SETX: variants seen among roughly 807,000 people sequenced by gnomAD.
SETX encodes helicase senataxin.
In SETX, 90 loss-of-function variants were observed where a neutral mutation model predicts 227.2. The observed-to-expected ratio is 0.40, with a 90% CI of 0.33 to 0.47. The LOEUF (loss-of-function observed/expected upper bound fraction) is 0.47, where lower values mean the gene tolerates loss of function less well. Ranked by LOEUF, SETX falls within the 20% of genes least tolerant of loss-of-function variation. The probability of loss-of-function intolerance (pLI) is 0.91; values close to 1 mark genes in which losing one functional copy is unlikely to be tolerated. For missense variants in SETX, 3,052 were observed against 3,181.5 expected (o/e 0.96, Z 0.98); for synonymous variants, 1,210 against 1,113.2 (o/e 1.09, Z -1.73).
At chr9:132,282,287 ATTT>A (rs1290569416) in intron 19 of SETX, among the ~76,000 whole-genome samples, 1 of 147,902 alleles carries the variant, frequency 6.8e-6, no homozygotes. Context: ...TTTTTTATTT[ATTT>A]TTTAACTTAT....
intron 12 of SETX, among the ~76,000 whole-genome samples, chr9:132,300,223 C>T (rs541528458): frequency 2.7e-5 from 4 of 150,664 alleles, no homozygotes; most frequent in Non-Finnish European, 4.4e-5. Context: ...TATTAAATTA[C>T]CTAGGGAGAA....
intron 3 of SETX, among the ~76,000 whole-genome samples, chr9:132,348,432 A>T (rs1347455045): frequency 6.6e-6 from 1 of 151,940 alleles, no homozygotes; most frequent in Non-Finnish European, 1.5e-5. Flanking sequence ...ACTCAGATAC[A>T]TGCATGTATT....
In SETX at chr9:132,328,032, T is replaced by A; in HGVS notation, c.3566A>T (p.Asn1189Ile). ...SVRNEGQSDT[N>I]KRDLVGNDFK... ...ATCATTTCCCACAAGATCTCTCTTA[T>A]TAGTATCAGACTGGCCCTCATTTCT... The change falls in exon 10 of 26, where the codon AAT becomes ATT. Residue 1189 changes from asparagine to isoleucine, a missense_variant. Asn to Ile is a moderately radical substitution (Grantham distance 149). Around this residue, in one of 10 missense-constraint regions of SETX, gnomAD observed 1,483 missense variants for 1,312.0 expected, o/e 1.13. Transcript: ENST00000224140. 1 of 1,614,116 alleles carries A rather than the reference T, an allele frequency of 6.2e-7. No individual in the cohort carries two copies. Among genetic ancestry groups the A allele is most frequent in the African/African-American group, 1.3e-5 (1 of 75,032 alleles).
At chr9:132,321,907 C>T (rs1846380828) in intron 10 of SETX, among the ~76,000 whole-genome samples, 1 of 152,082 alleles carries the variant, frequency 6.6e-6, no homozygotes. Flanking sequence ...TGGGGTGGGG[C>T]TTCCTAATGA....
chr9:132,322,672 T>C (rs1286514997), intron 10 of SETX, among the ~76,000 whole-genome samples: 1 of 152,194 alleles, frequency 6.6e-6, no homozygotes, highest in Non-Finnish European at 1.5e-5. Context: ...AATGTTCCAA[T>C]CTACTCTTTA....
At chr9:132,275,165 C>T in intron 23 of SETX, 91 bp downstream of exon 23, 1 of 1,409,932 alleles carries the variant, frequency 7.1e-7, no homozygotes, top group East Asian at 2.3e-5. Context: ...GCACAGACCA[C>T]TCCTTAAGAG....
At chr9:132,283,157 A>G in intron 19 of SETX, 107 bp downstream of exon 19, 1 of 1,373,352 alleles carries the variant, frequency 7.3e-7, no homozygotes, top group Non-Finnish European at 1.0e-6. Flanking sequence ...TGAAAATCAG[A>G]TGCAAAAAAA....
At chr9:132,295,722 C>T (rs1844629228) in intron 15 of SETX, 150 bp downstream of exon 15, 1 of 787,946 alleles carries the variant, frequency 1.3e-6, no homozygotes, top group African/African-American at 1.7e-5. Context: ...GGTAAATGTT[C>T]AATGAAATAC....
rs1843198367 is a variant in SETX at position 132,276,981 on chromosome 9, T to C, written c.6935+79A>G. On this transcript the variant is annotated intron_variant, in intron 22 of 25. Transcript: ENST00000224140. ...TAGGCAGAGAGATGTGTATAGGAAA[T>C]GTATTTAACAGAAATATGAATGCAA... 2.5e-6 allele frequency: 3 copies of C among 1,220,434 alleles called. No individual in the cohort carries two copies. The Admixed American group carries it at 5.1e-5, about 21-fold the overall frequency. 75.6% of individuals were successfully genotyped at this position (1,220,434 alleles called of 1,614,324 possible).
intron 15 of SETX, 112 bp from the exon 16 acceptor site, chr9:132,288,763 C>CA: frequency 1.3e-6 from 1 of 755,306 alleles, no homozygotes; most frequent in East Asian, 2.7e-5. Context: ...GAGAAGGGAG[C>CA]AAACATGAAC....
chr9:132,296,917 A>T lies in SETX; in HGVS notation c.5919T>A (p.Ile1973=). ...GPPGTGKSKT[I]VGLLYRLLTE... Reference sequence around the variant, plus strand: ...TCAGTAGACGATAGAGGAGGCCAACAATAGTTTTTGATTTTCCTGTTCCAG... The same window carrying T: ...TCAGTAGACGATAGAGGAGGCCAACTATAGTTTTTGATTTTCCTGTTCCAG... Residue 1973 remains isoleucine (I), a synonymous_variant, in exon 14 of 26, where the codon ATT becomes ATA. Transcript: ENST00000224140. The T allele has an allele frequency of 6.2e-7, 1 of 1,614,116 alleles. No individual in the cohort carries two copies. The highest frequency in any genetic ancestry group is 8.5e-7 in the Non-Finnish European group (1 of 1,180,030).
chr9:132,331,506 T>C (rs1847233712), intron 7 of SETX, 58 bp from the exon 8 acceptor site: 3 of 1,551,158 alleles, frequency 1.9e-6, no homozygotes, highest in South Asian at 2.3e-5. Flanking sequence ...CATACTACAA[T>C]ATATTGAGAA....
chr9:132,342,876 A>T (rs546204448), intron 4 of SETX, 77 bp from the exon 5 acceptor site: 1 of 1,049,398 alleles, frequency 9.5e-7, no homozygotes, highest in East Asian at 2.4e-5. Context: ...TCCTTGGGCT[A>T]TTCTGTAAAT....
At chr9:132,341,280 GTT>G (rs1847943330) in intron 5 of SETX, among the ~76,000 whole-genome samples, 2 of 152,076 alleles carry the variant, frequency 1.3e-5, no homozygotes, top group African/African-American at 4.8e-5. Context: ...TCAACTCAGA[GTT>G]TCTCTCAATG....
intron 1 of SETX, among the ~76,000 whole-genome samples, chr9:132,354,373 A>G (rs769095681): frequency 1.8e-4 from 28 of 151,662 alleles, no homozygotes; most frequent in African/African-American, 6.5e-4. Context: ...ACGCGCGCCT[A>G]TGGTCCCAGT....
intron 7 of SETX, among the ~76,000 whole-genome samples, chr9:132,334,054 T>C (rs1847435783): frequency 1.3e-5 from 2 of 152,136 alleles, no homozygotes; most frequent in Non-Finnish European, 2.9e-5. Flanking sequence ...CAAATGGGTC[T>C]CCCAGAGGTT....
At chr9:132,355,184 C>A (rs1003563544), upstream of SETX, among the ~76,000 whole-genome samples, 1 of 152,098 alleles carries the variant, frequency 6.6e-6, no homozygotes, top group Non-Finnish European at 1.5e-5. Context: ...CAGCTGGGGC[C>A]CGACCAATCC....
In SETX at chr9:132,326,312, A is replaced by T; in HGVS notation, c.5274+12T>A. Reference sequence around the variant, plus strand: ...AAGTTTGGAGAGGCATACAAATGAAACACATACTTACTGTTTCAAAAGTAT... The same window carrying T: ...AAGTTTGGAGAGGCATACAAATGAATCACATACTTACTGTTTCAAAAGTAT... On this transcript the variant is annotated intron_variant, in intron 10 of 25. Coordinates refer to ENST00000224140, the MANE Select transcript of SETX (RefSeq NM_015046.7). 1 of 1,570,136 alleles carries T rather than the reference A, an allele frequency of 6.4e-7. No homozygotes were observed. Among genetic ancestry groups the T allele is most frequent in the Non-Finnish European group, 8.7e-7 (1 of 1,143,578 alleles).
chr9:132,328,346 T>C lies in SETX; in HGVS notation c.3252A>G (p.Glu1084=). Residue 1084 remains glutamate (E), a synonymous_variant, in exon 10 of 26, where the codon GAA becomes GAG. Coordinates refer to ENST00000224140, the MANE Select transcript of SETX (RefSeq NM_015046.7). ...EESDSQCFEF[E]SSSEVFSVWQ... is the part of the protein sequence containing the mutation. Reference sequence around the variant, plus strand: ...AAACTGAAAACACTTCAGATGAACTTTCAAACTCAAAACACTGAGAATCAG... The same window carrying C: ...AAACTGAAAACACTTCAGATGAACTCTCAAACTCAAAACACTGAGAATCAG... 6.2e-7 allele frequency: 1 copy of C among 1,614,098 alleles called. No individual in the cohort carries two copies. The highest frequency in any genetic ancestry group is 8.5e-7 in the Non-Finnish European group (1 of 1,180,022).
Sources: gnomAD v4.1 joint callset for allele counts (sites outside exome capture counted in the v4.1 genomes callset) on GRCh38, gnomAD v4.1.1 for gene constraint, gnomAD v4.1.1 regional missense constraint, MANE v1.5 for transcripts, NCBI Gene and HGNC (gene_info 2026-07-23, HGNC 2026-07-21) for gene names.